The following TMEM196 variants were observed in gnomAD, a reference collection of about 807,000 sequenced individuals.
TMEM196 encodes the protein transmembrane protein 196.
TMEM196 carries 17 observed loss-of-function variants against 20.0 expected under a neutral mutation model. The ratio of observed to expected loss-of-function variants is 0.85; its 90% CI spans 0.58 to 1.27. The LOEUF is 1.27. TMEM196 is among the 50% of genes most tolerant of loss of function. The probability of loss-of-function intolerance (pLI) is 0.00; values close to 1 mark genes in which losing one functional copy is unlikely to be tolerated. For missense variants in TMEM196, 267 were observed against 223.0 expected (o/e 1.20, Z -1.26); for synonymous variants, 113 against 88.9 (o/e 1.27, Z -1.52).
intron 1 of TMEM196, among the ~76,000 whole-genome samples, chr7:19,742,071 G>C (rs923118151): frequency 6.6e-6 from 1 of 152,022 alleles, no homozygotes; most frequent in Non-Finnish European, 1.5e-5. Context: ...CTAGAATCTT[G>C]CATCTGGACG....
At position 19,720,682 on chromosome 7, in the gene TMEM196, G is replaced by C. The variant is rs1783784619; in HGVS notation, c.*1446C>G. On this transcript the variant is annotated 3_prime_UTR_variant, in exon 5 of 5. Transcript: ENST00000405844. ...TTGCTATTTTAACATTCCATTATTA[G>C]AGGAAAGGATTGAATCTAGCTATAC... 6.6e-6 allele frequency: 1 copy of C among 151,766 alleles called. No individual in the cohort carries two copies. Among genetic ancestry groups the C allele is most frequent in the Admixed American group, 6.6e-5 (1 of 15,240 alleles). 9.4% of individuals were successfully genotyped at this position (151,766 alleles called of 1,614,324 possible).
intron 4 of TMEM196, among the ~76,000 whole-genome samples, chr7:19,723,574 G>A (rs181727838): frequency 3.9e-4 from 60 of 152,232 alleles, no homozygotes; most frequent in Non-Finnish European, 7.6e-4. Flanking sequence ...TTTAAAATGA[G>A]TGAGTCTCCA....
intron 1 of TMEM196, among the ~76,000 whole-genome samples, chr7:19,760,875 G>A (rs1481067759): frequency 6.6e-6 from 1 of 152,202 alleles, no homozygotes; most frequent in Non-Finnish European, 1.5e-5. Flanking sequence ...ACCGAGGAGA[G>A]TAAGCGGGTG....
At chr7:19,737,826 G>C (rs1189876975) in intron 1 of TMEM196, among the ~76,000 whole-genome samples, 1 of 151,804 alleles carries the variant, frequency 6.6e-6, no homozygotes, top group African/African-American at 2.4e-5. Context: ...GTATGATATT[G>C]CAATTGTGGA....
intron 1 of TMEM196, among the ~76,000 whole-genome samples, chr7:19,767,657 A>C (rs1785690173): frequency 6.6e-6 from 1 of 152,038 alleles, no homozygotes; most frequent in Non-Finnish European, 1.5e-5. Context: ...GTATAATTTC[A>C]GTTAATTTTA....
chr7:19,725,629 A>G lies in TMEM196; in HGVS notation c.344T>C (p.Ile115Thr), dbSNP rs1327373155. The stretch of plus-strand genomic sequence containing the variant: ...CCAGGAAGAGAGAGTGCAGCCCCCG[A>G]TCCCAATGCACGCGAGAGACATGGA... ...LASMSLACIG[I>T]GGCTLSSWLT... is the part of the protein sequence containing the mutation. The change falls in exon 3 of 5, where the codon ATC (isoleucine) becomes ACC (threonine). Residue 115 changes from isoleucine to threonine, a missense_variant. Ile to Thr is a moderately conservative substitution (Grantham distance 89). Transcript: ENST00000405844. 6.2e-7 allele frequency: 1 copy of G among 1,614,036 alleles called. No individual in the cohort carries two copies. The highest frequency in any genetic ancestry group is 8.5e-7 in the Non-Finnish European group (1 of 1,180,020).
chr7:19,725,899 C>T (rs888030413), intron 2 of TMEM196, 131 bp from the exon 3 acceptor site: 3 of 1,107,878 alleles, frequency 2.7e-6, no homozygotes, highest in African/African-American at 3.2e-5. Flanking sequence ...TGGTGCTTCA[C>T]AGAGGACAGG....
intron 1 of TMEM196, among the ~76,000 whole-genome samples, chr7:19,738,281 G>T (rs1448002517): frequency 6.6e-6 from 1 of 151,986 alleles, no homozygotes; most frequent in Non-Finnish European, 1.5e-5. Context: ...AATAAGTCAG[G>T]GTAAGAGTCT....
Position 19,772,837 on chromosome 7 carries a change from A to C in TMEM196, c.-141T>G. The C allele has an allele frequency of 1.2e-6, 1 of 828,044 alleles. No homozygotes were observed. Among genetic ancestry groups the C allele is most frequent in the South Asian group, 4.2e-5 (1 of 23,596 alleles). The allele number at this position is 828,044 out of a possible 1,614,324, so 51.3% of individuals were successfully genotyped here. On this transcript the variant is annotated 5_prime_UTR_variant, in exon 1 of 5. Coordinates refer to ENST00000405844, the MANE Select transcript of TMEM196 (RefSeq NM_001363562.2). ...CTTCAAGAGCGAGGCATTATCCACAAGGGCTGGATTTCCAGAAACGAAGAC... is the reference window on the plus strand; with the variant it reads ...CTTCAAGAGCGAGGCATTATCCACACGGGCTGGATTTCCAGAAACGAAGAC...
chr7:19,737,869 G>C (rs1784462638), intron 1 of TMEM196, among the ~76,000 whole-genome samples: 1 of 151,916 alleles, frequency 6.6e-6, no homozygotes, highest in East Asian at 1.9e-4. Context: ...AAAACACATA[G>C]AACTTTATAA....
In TMEM196 at chr7:19,773,159, C is replaced by T. The variant is rs1361178295; in HGVS notation, c.-463G>A. 1 of 153,586 alleles carries T rather than the reference C, an allele frequency of 6.5e-6. No homozygotes were observed. Among genetic ancestry groups the T allele is most frequent in the African/African-American group, 2.4e-5 (1 of 41,512 alleles). 9.5% of individuals were successfully genotyped at this position (153,586 alleles called of 1,614,324 possible). On this transcript the variant is annotated 5_prime_UTR_variant, in exon 1 of 5. Coordinates refer to ENST00000405844, the MANE Select transcript of TMEM196 (RefSeq NM_001363562.2). Reference sequence around the variant, plus strand: ...TGCCGAGGAGAGGAGCTTTGCTTCCCGGAGATCCAAAGGGAACCGCTCCGA... The same window carrying T: ...TGCCGAGGAGAGGAGCTTTGCTTCCTGGAGATCCAAAGGGAACCGCTCCGA...
At chr7:19,741,687 C>T (rs1178059612) in intron 1 of TMEM196, among the ~76,000 whole-genome samples, 1 of 152,004 alleles carries the variant, frequency 6.6e-6, no homozygotes, top group Non-Finnish European at 1.5e-5. Context: ...ATAAAAGTCA[C>T]TGAAAAAGAC....
intron 1 of TMEM196, among the ~76,000 whole-genome samples, chr7:19,768,509 A>C (rs990535558): frequency 1.3e-5 from 2 of 152,128 alleles, no homozygotes; most frequent in Non-Finnish European, 2.9e-5. Context: ...TGACTTTCAC[A>C]CAGCAACTTG....
intron 1 of TMEM196, among the ~76,000 whole-genome samples, chr7:19,741,900 C>T (rs1023006308): frequency 6.6e-6 from 1 of 152,132 alleles, no homozygotes; most frequent in Non-Finnish European, 1.5e-5. Flanking sequence ...TAGCTTTTCC[C>T]TTTTGGCAAA....
intron 1 of TMEM196, among the ~76,000 whole-genome samples, chr7:19,732,588 A>AAC (rs1554298174): frequency 3.4e-5 from 4 of 118,014 alleles, no homozygotes; most frequent in African/African-American, 9.7e-5. Flanking sequence ...AAAAAAACAA[A>AAC]AAAAAAAAAA....
intron 1 of TMEM196, among the ~76,000 whole-genome samples, chr7:19,772,122 T>A (rs1785905352): frequency 6.6e-6 from 1 of 152,068 alleles, no homozygotes; most frequent in Admixed American, 6.5e-5. Context: ...TGTTCCCTGA[T>A]ACAAAAAAAT....
rs1323431648 is a variant in TMEM196, at chr7:19,725,723, T to G, written c.250A>C (p.Ile84Leu). Residue 84 changes from isoleucine to leucine, a missense_variant, in exon 3 of 5, where the codon ATC becomes CTC. Ile to Leu is a conservative substitution (Grantham distance 5). Coordinates refer to ENST00000405844, the MANE Select transcript of TMEM196 (RefSeq NM_001363562.2). ...ACCICGLIGG[I>L]LNFQFLRAVT... The stretch of plus-strand genomic sequence containing the variant: ...GCCCGGAGGAACTGAAAATTCAGGA[T>G]GCCCCCAATAAGTCCACAGATACAG... The G allele has an allele frequency of 3.7e-6, 6 of 1,613,092 alleles. No homozygotes were observed. Among genetic ancestry groups the G allele is most frequent in the African/African-American group, 1.3e-5 (1 of 74,876 alleles).
intron 1 of TMEM196, among the ~76,000 whole-genome samples, chr7:19,748,134 C>A (rs1428443423): frequency 6.6e-6 from 1 of 151,652 alleles, no homozygotes; most frequent in Non-Finnish European, 1.5e-5. Flanking sequence ...GCATTGCTTA[C>A]AATGCTATCC....
rs984837246 is a variant in TMEM196, at chr7:19,720,787, T to C, written c.*1341A>G. 12 of 152,010 alleles carry C rather than the reference T, an allele frequency of 7.9e-5. No individual in the cohort carries two copies. The East Asian group carries it at 2.3e-3, about 29-fold the overall frequency. 9.4% of individuals were successfully genotyped at this position (152,010 alleles called of 1,614,324 possible). A position where few individuals can be genotyped will look rare whatever the true frequency, so the allele number is the denominator to read the frequency against. On this transcript the variant is annotated 3_prime_UTR_variant, in exon 5 of 5. Coordinates refer to ENST00000405844, the MANE Select transcript of TMEM196 (RefSeq NM_001363562.2). ...GATATAGGCTTTCTTATATATGGAC[T>C]GCCTATATTATTTCATGAGAATCGT...
Sources: gnomAD v4.1 joint callset for allele counts (sites outside exome capture counted in the v4.1 genomes callset) on GRCh38, gnomAD v4.1.1 for gene constraint, MANE v1.5 for transcripts, NCBI Gene and HGNC (gene_info 2026-07-23, HGNC 2026-07-21) for gene names.